The following PDPN variants were observed in gnomAD, a reference collection of about 807,000 sequenced individuals.
The protein encoded by PDPN is PA2.26 antigen.
A neutral mutation model predicts 23.2 loss-of-function variants in PDPN; 12 were observed. The ratio of observed to expected loss-of-function variants is 0.52; its 90% CI spans 0.33 to 0.84. The LOEUF (loss-of-function observed/expected upper bound fraction) is 0.84, where lower values mean the gene tolerates loss of function less well. Among genes scored for constraint, PDPN ranks in the 40% least tolerant of loss-of-function variants. The pLI, the probability that PDPN is intolerant of heterozygous loss-of-function variation, is 0.02. For missense variants in PDPN, 199 were observed against 212.2 expected (o/e 0.94, Z 0.39); for synonymous variants, 77 against 76.7 (o/e 1.00, Z -0.02).
intron 1 of PDPN, among the ~76,000 whole-genome samples, chr1:13,605,458 C>T (rs979863088): frequency 2.0e-5 from 3 of 152,156 alleles, no homozygotes; most frequent in Non-Finnish European, 4.4e-5. Flanking sequence ...ATTTTTAATG[C>T]ACAAAGAGGG....
chr1:13,616,059 A>C lies in PDPN; in HGVS notation c.*148A>C, dbSNP rs897761466. 4.2e-6 allele frequency: 3 copies of C among 713,526 alleles called. No homozygotes were observed. Among genetic ancestry groups the C allele is most frequent in the Non-Finnish European group, 7.4e-6 (3 of 403,456 alleles). The allele number at this position is 713,526 out of a possible 1,614,324, so 44.2% of individuals were successfully genotyped here. Reference sequence around the variant, plus strand: ...ATCCACGGTGACCTCTCCGCTTGCCAAAATAACCGAAGGAAAGACCGTTCA... The same window carrying C: ...ATCCACGGTGACCTCTCCGCTTGCCCAAATAACCGAAGGAAAGACCGTTCA... On this transcript the variant is annotated 3_prime_UTR_variant, in exon 6 of 6. Transcript: ENST00000621990.
In PDPN at chr1:13,607,638, C is replaced by T. The variant is rs533064505; in HGVS notation, c.201+332C>T. On this transcript the variant is annotated intron_variant, in intron 2 of 5. Coordinates refer to ENST00000621990, the MANE Select transcript of PDPN (RefSeq NM_006474.5). ...GAGGAGTTACTGTCTTTCCCAATTT[C>T]GTCCACTTAGCTGGTGTGCTGATCA... Among the ~76,000 whole-genome samples the T allele has an allele frequency of 5.9e-5, 9 of 152,286 alleles. No homozygotes were observed. In the South Asian group the frequency reaches 1.2e-3, roughly 21 times the overall value.
At chr1:13,605,282 A>AAGCAGTGGGGAGAATAAG (rs1640753397) in intron 1 of PDPN, among the ~76,000 whole-genome samples, 2 of 152,250 alleles carry the variant, frequency 1.3e-5, no homozygotes, top group South Asian at 4.2e-4. Flanking sequence ...AGTGCTGCCT[A>AAGCAGTGGGGAGAATAAG]GAGACAAACA....
At chr1:13,602,192 G>C (rs553844651) in intron 1 of PDPN, among the ~76,000 whole-genome samples, 107 of 152,310 alleles carry the variant, frequency 7.0e-4, no homozygotes, top group African/African-American at 2.5e-3. Flanking sequence ...GCCGGGTGTG[G>C]TGGTGGGCAC....
intron 3 of PDPN, among the ~76,000 whole-genome samples, chr1:13,611,738 T>C (rs1451282681): frequency 1.3e-5 from 2 of 152,168 alleles, no homozygotes; most frequent in East Asian, 1.9e-4. Flanking sequence ...TTTTATCCTG[T>C]ATGTTTTACC....
chr1:13,605,253 G>T (rs908872199), intron 1 of PDPN, among the ~76,000 whole-genome samples: 4 of 150,286 alleles, frequency 2.7e-5, no homozygotes, highest in African/African-American at 9.7e-5. Context: ...CTTAAGGCAA[G>T]GAATGGATTG....
At chr1:13,592,605 A>G (rs1640377877) in intron 1 of PDPN, among the ~76,000 whole-genome samples, 1 of 144,590 alleles carries the variant, frequency 6.9e-6, no homozygotes, top group Non-Finnish European at 1.5e-5. Flanking sequence ...GCTGGAGTGC[A>G]ATGGCACGAT....
At chr1:13,611,407 A>G (rs987532086) in intron 3 of PDPN, among the ~76,000 whole-genome samples, 5 of 152,184 alleles carry the variant, frequency 3.3e-5, no homozygotes, top group African/African-American at 1.2e-4. Context: ...CTTGAAAATG[A>G]AAATGCAGAC....
At chr1:13,591,735 C>T (rs950350487) in intron 1 of PDPN, among the ~76,000 whole-genome samples, 3 of 152,200 alleles carry the variant, frequency 2.0e-5, no homozygotes, top group Admixed American at 1.3e-4. Context: ...TCCTCTGTCA[C>T]CCAGGCTGAA....
chr1:13,607,382 A>G, intron 2 of PDPN, 76 bp downstream of exon 2: 1 of 1,071,832 alleles, frequency 9.3e-7, no homozygotes, highest in Non-Finnish European at 1.3e-6. Context: ...ATATTAATTT[A>G]CTTTATATAA....
intron 1 of PDPN, among the ~76,000 whole-genome samples, chr1:13,587,971 G>T (rs890956830): frequency 4.6e-5 from 7 of 152,150 alleles, no homozygotes; most frequent in African/African-American, 1.7e-4. Context: ...GAGTGTCTTT[G>T]CCTTGAGAAT....
Position 13,589,751 on chromosome 1 carries a change from G to C in PDPN, c.67+5651G>C, listed in dbSNP as rs183357263. On this transcript the variant is annotated intron_variant, in intron 1 of 5. Coordinates refer to ENST00000621990, the MANE Select transcript of PDPN (RefSeq NM_006474.5). ...GAATAGCTTGAATCCGTGCCACTGA[G>C]GACACCCAGAAAAGCGAGAGGTTGA... Among the ~76,000 whole-genome samples, 615 of 152,298 alleles carry C rather than the reference G, an allele frequency of 4.0e-3. 2 individuals carry two copies. The highest frequency in any genetic ancestry group is 5.1e-3 in the Non-Finnish European group (349 of 68,032).
chr1:13,601,922 A>T (rs370662165), intron 1 of PDPN, among the ~76,000 whole-genome samples: 12 of 152,316 alleles, frequency 7.9e-5, no homozygotes, highest in East Asian at 3.9e-4. Context: ...AAGTTTGACT[A>T]CTGATAGCTT....
At chr1:13,592,798 C>T (rs1029610020) in intron 1 of PDPN, among the ~76,000 whole-genome samples, 2 of 152,110 alleles carry the variant, frequency 1.3e-5, no homozygotes, top group Admixed American at 6.5e-5. Context: ...GATTCGTCCG[C>T]CTCTGCCTCC....
At chr1:13,604,099 T>G (rs1640718879) in intron 1 of PDPN, among the ~76,000 whole-genome samples, 1 of 152,230 alleles carries the variant, frequency 6.6e-6, no homozygotes, top group Non-Finnish European at 1.5e-5. Flanking sequence ...AATTCGTCAC[T>G]CTACACTTGT....
In PDPN at chr1:13,584,454, T is replaced by C. The variant is rs182736590; in HGVS notation, c.67+354T>C. The C allele has an allele frequency of 3.0e-4, 213 of 702,514 alleles. 1 individual carries two copies. Among genetic ancestry groups the C allele is most frequent in the African/African-American group, 2.8e-3 (154 of 55,982 alleles). The allele number at this position is 702,514 out of a possible 1,614,324, so 43.5% of individuals were successfully genotyped here. The stretch of plus-strand genomic sequence containing the variant: ...AGCAGTGGCTGGGGTTTCCTTCCCA[T>C]AGAGCGGTGTGTTGGAGGAATACGC... On this transcript the variant is annotated intron_variant, in intron 1 of 5. Transcript: ENST00000621990.
Position 13,616,116 on chromosome 1 carries a change from C to A in PDPN, c.*205C>A, listed in dbSNP as rs772670454. 1.7e-6 allele frequency: 1 copy of A among 595,314 alleles called. No individual in the cohort carries two copies. The allele number at this position is 595,314 out of a possible 1,614,324, so 36.9% of individuals were successfully genotyped here. ...TTGGCTCCTCTAAACATTTGCTGTT[C>A]AAACATGTTTTTGAATATACATTCT... On this transcript the variant is annotated 3_prime_UTR_variant, in exon 6 of 6. Coordinates refer to ENST00000621990, the MANE Select transcript of PDPN (RefSeq NM_006474.5).
At chr1:13,611,004 A>C (rs551790426) in intron 3 of PDPN, among the ~76,000 whole-genome samples, 1 of 152,190 alleles carries the variant, frequency 6.6e-6, no homozygotes, top group African/African-American at 2.4e-5. Flanking sequence ...GGCGGATCAC[A>C]AGGTCAGGAG....
chr1:13,589,955 G>A (rs937823817), intron 1 of PDPN, among the ~76,000 whole-genome samples: 2 of 152,138 alleles, frequency 1.3e-5, no homozygotes, highest in Admixed American at 1.3e-4. Context: ...AGCCTCCCTA[G>A]TAGCTGGGAT....
Sources: gnomAD v4.1 joint callset for allele counts (sites outside exome capture counted in the v4.1 genomes callset) on GRCh38, gnomAD v4.1.1 for gene constraint, MANE v1.5 for transcripts, NCBI Gene and HGNC (gene_info 2026-07-23, HGNC 2026-07-21) for gene names.